Variants in SLC44A5 observed in about 807,000 individuals in gnomAD.
SLC44A5 encodes the protein solute carrier family 44 member 5.
Under a neutral mutation model 101.8 loss-of-function variants are expected in SLC44A5, and 57 were observed. That is an observed-to-expected ratio of 0.56 (90% CI 0.45 to 0.70). The LOEUF (loss-of-function observed/expected upper bound fraction) is 0.70. Ranked by LOEUF, SLC44A5 falls within the 30% of genes least tolerant of loss-of-function variation. The pLI is 0.00. For missense variants in SLC44A5, 737 were observed against 853.1 expected (o/e 0.86, Z 1.70); for synonymous variants, 281 against 290.9 (o/e 0.97, Z 0.35).
intron 8 of SLC44A5, 25 bp downstream of exon 8, chr1:75,242,861 T>A (rs567277079): frequency 7.8e-6 from 12 of 1,547,278 alleles, no homozygotes; most frequent in African/African-American, 1.4e-5. Flanking sequence ...AATTGTTCTC[T>A]TGCTTTAAGC....
intron 2 of SLC44A5, among the ~76,000 whole-genome samples, chr1:75,450,736 C>T (rs78572405): frequency 0.018 from 2,678 of 152,262 alleles, 82 homozygotes; most frequent in African/African-American, 0.061. Context: ...CACCCCATGC[C>T]CAGGCAGATT....
intron 11 of SLC44A5, among the ~76,000 whole-genome samples, chr1:75,235,651 A>T (rs761391034): frequency 6.6e-6 from 1 of 152,042 alleles, no homozygotes; most frequent in Non-Finnish European, 1.5e-5. Flanking sequence ...CTAATTTTAC[A>T]GCTCTAAACA....
chr1:75,477,683 G>T (rs998840298), intron 2 of SLC44A5, among the ~76,000 whole-genome samples: 1 of 152,092 alleles, frequency 6.6e-6, no homozygotes, highest in Non-Finnish European at 1.5e-5. Flanking sequence ...GAAATGAAAC[G>T]AGAAGGGAAG....
the SLC44A5 span, among the ~76,000 whole-genome samples, chr1:75,720,170 G>A: frequency 1.3e-5 from 2 of 152,326 alleles, no homozygotes; most frequent in East Asian, 3.9e-4. Context: ...CTGGGTCTGA[G>A]GGGTAATGGC....
intron 2 of SLC44A5, among the ~76,000 whole-genome samples, chr1:75,411,193 C>A (rs1199775659): frequency 6.6e-6 from 1 of 152,042 alleles, no homozygotes; most frequent in East Asian, 1.9e-4. Flanking sequence ...ATTCATCATT[C>A]CCTACTCATT....
chr1:75,434,959 G>T (rs980611798), intron 2 of SLC44A5, among the ~76,000 whole-genome samples: 1 of 152,070 alleles, frequency 6.6e-6, no homozygotes, highest in African/African-American at 2.4e-5. Context: ...ATTACAGTTA[G>T]GTATGGATAC....
the SLC44A5 span, among the ~76,000 whole-genome samples, chr1:75,647,593 A>G: frequency 6.6e-6 from 1 of 152,212 alleles, no homozygotes; most frequent in African/African-American, 2.4e-5. Flanking sequence ...AGGGGGCTGT[A>G]CCATGCAAAG....
In SLC44A5 at chr1:75,222,471, G is replaced by T; in HGVS notation, c.986-11C>A. ...TGCAGAGTATTATCACTTTGAACAG[G>T]AAAAAAAAAATCAGTCTGTAATACA... On this transcript the variant is annotated splice_polypyrimidine_tract_variant and intron_variant, in intron 13 of 23. Transcript: ENST00000370859. 1 of 1,454,088 alleles carries T rather than the reference G, an allele frequency of 6.9e-7. No individual in the cohort carries two copies. 90.1% of individuals were successfully genotyped at this position (1,454,088 alleles called of 1,614,324 possible).
chr1:75,373,671 G>A (rs1469312054), intron 3 of SLC44A5, among the ~76,000 whole-genome samples: 4 of 152,102 alleles, frequency 2.6e-5, no homozygotes, highest in Non-Finnish European at 4.4e-5. Flanking sequence ...TGATCCACAC[G>A]CTGCCTTGTC....
intron 1 of SLC44A5, among the ~76,000 whole-genome samples, chr1:75,610,552 G>A (rs568436337): frequency 6.6e-6 from 1 of 152,214 alleles, no homozygotes; most frequent in African/African-American, 2.4e-5. Context: ...AAAAGAACAA[G>A]GCAGAAGCCA....
the SLC44A5 span, among the ~76,000 whole-genome samples, chr1:75,646,759 C>G: frequency 0.044 from 6,666 of 152,222 alleles, 203 homozygotes; most frequent in African/African-American, 0.091. Flanking sequence ...TCTTTCTATG[C>G]TTTAGCAAAG....
Position 75,282,008 on chromosome 1 carries a change from G to C in SLC44A5, c.176-6966C>G, listed in dbSNP as rs574835751. ...GTTAGAAGAGGCCCACCATCCTCTA[G>C]ATCCCAGAATGGTAGGTTCACCAAC... On this transcript the variant is annotated intron_variant, in intron 5 of 23. Transcript: ENST00000370859. 1.8e-4 allele frequency among the ~76,000 whole-genome samples: 27 copies of C among 152,250 alleles called. 1 individual carries two copies. The South Asian group carries it at 5.0e-3, about 28-fold the overall frequency.
chr1:75,658,123 C>G, the SLC44A5 span, among the ~76,000 whole-genome samples: 1 of 152,028 alleles, frequency 6.6e-6, no homozygotes, highest in African/African-American at 2.4e-5. Context: ...CAGGGTCTTT[C>G]TCTGTCACCT....
In SLC44A5 at chr1:75,288,742, G is replaced by A. The variant is rs527355749; in HGVS notation, c.175+11870C>T. ...AACAGCCTCTGTCACTTTGGATGCA[G>A]CACTAGATCAAACAAATGCTTTCTC... is the stretch of plus-strand genomic sequence containing the variant. On this transcript the variant is annotated intron_variant, in intron 5 of 23. Coordinates refer to ENST00000370859, the MANE Select transcript of SLC44A5 (RefSeq NM_001130058.2). 5.3e-5 allele frequency among the ~76,000 whole-genome samples: 8 copies of A among 152,266 alleles called. No homozygotes were observed. In the South Asian group the frequency reaches 1.7e-3, roughly 32 times the overall value.
chr1:75,289,280 T>C (rs1653335330), intron 5 of SLC44A5, among the ~76,000 whole-genome samples: 1 of 152,162 alleles, frequency 6.6e-6, no homozygotes, highest in Non-Finnish European at 1.5e-5. Flanking sequence ...GAGAACAAGA[T>C]AGTTTATGGG....
At chr1:75,612,019 T>G (rs1675677874), upstream of SLC44A5, among the ~76,000 whole-genome samples, 1 of 152,184 alleles carries the variant, frequency 6.6e-6, no homozygotes. Context: ...TCTTATCATC[T>G]TGTACTAAAT....
intron 4 of SLC44A5, among the ~76,000 whole-genome samples, chr1:75,306,599 A>G (rs989757762): frequency 6.6e-6 from 1 of 152,152 alleles, no homozygotes; most frequent in African/African-American, 2.4e-5. Context: ...AGAGGTAATA[A>G]GAGAGTTTTG....
At chr1:75,625,663 C>T in the SLC44A5 span, among the ~76,000 whole-genome samples, 1 of 152,076 alleles carries the variant, frequency 6.6e-6, no homozygotes, top group African/African-American at 2.4e-5. Context: ...CCTATTTGGG[C>T]CAGTGAAGCT....
intron 1 of SLC44A5, among the ~76,000 whole-genome samples, chr1:75,574,139 G>T (rs1291739249): frequency 6.6e-6 from 1 of 152,150 alleles, no homozygotes; most frequent in Non-Finnish European, 1.5e-5. Context: ...GCAAATTGTG[G>T]AACTAGAGGA....
Sources: allele counts gnomAD v4.1 joint callset (sites outside exome capture counted in the v4.1 genomes callset), GRCh38; gene constraint gnomAD v4.1.1; transcripts MANE v1.5; gene names NCBI Gene and HGNC (gene_info 2026-07-23, HGNC 2026-07-21).